Variants in POP1 observed in about 807,000 individuals in gnomAD.
POP1 encodes ribonucleases P/MRP protein subunit POP1.
A neutral mutation model predicts 102.2 loss-of-function variants in POP1; 75 were observed. The ratio of observed to expected loss-of-function variants is 0.73; its 90% CI spans 0.61 to 0.89. The LOEUF is 0.89. Among genes scored for constraint, POP1 ranks in the 40% least tolerant of loss-of-function variants. The pLI is 0.00. For missense variants in POP1, 1,116 were observed against 1,267.4 expected (o/e 0.88, Z 1.81); for synonymous variants, 436 against 464.1 (o/e 0.94, Z 0.78).
At chr8:98,126,356 C>T (rs531127876) in intron 2 of POP1, among the ~76,000 whole-genome samples, 8 of 152,056 alleles carry the variant, frequency 5.3e-5, no homozygotes, top group South Asian at 4.1e-4. Flanking sequence ...TTTTGAGCGC[C>T]GACATGACAT....
intron 2 of POP1, among the ~76,000 whole-genome samples, chr8:98,126,135 C>T (rs1383715882): frequency 6.6e-6 from 1 of 152,002 alleles, no homozygotes; most frequent in African/African-American, 2.4e-5. Context: ...AGGTGTGAGC[C>T]ACCACATCCA....
intron 2 of POP1, among the ~76,000 whole-genome samples, chr8:98,125,143 A>G (rs372681478): frequency 4.6e-5 from 7 of 152,044 alleles, no homozygotes; most frequent in African/African-American, 1.7e-4. Context: ...AAACACTATA[A>G]AATTCTCTAC....
chr8:98,140,020 CAA>C, intron 9 of POP1, 56 bp from the exon 10 acceptor site: 1 of 1,363,622 alleles, frequency 7.3e-7, no homozygotes, highest in East Asian at 2.3e-5. Context: ...ACAACCATGA[CAA>C]AATTATGAAG....
intron 3 of POP1, among the ~76,000 whole-genome samples, 175 bp downstream of exon 3, chr8:98,127,937 T>C (rs1226245243): frequency 6.6e-6 from 1 of 152,166 alleles, no homozygotes; most frequent in Non-Finnish European, 1.5e-5. Flanking sequence ...TCCTTGGGCT[T>C]GATGGCTCTC....
At chr8:98,148,661 A>G (rs1398954106) in intron 12 of POP1, among the ~76,000 whole-genome samples, 154 bp from the exon 13 acceptor site, 6 of 152,248 alleles carry the variant, frequency 3.9e-5, no homozygotes. Flanking sequence ...GGAATACCTT[A>G]TACTTAAAAT....
At chr8:98,150,262 G>A (rs572136413) in intron 13 of POP1, among the ~76,000 whole-genome samples, 4 of 152,306 alleles carry the variant, frequency 2.6e-5, no homozygotes, top group African/African-American at 9.6e-5. Flanking sequence ...TTTGCAACTT[G>A]CTGTATTCAC....
intron 11 of POP1, among the ~76,000 whole-genome samples, chr8:98,146,209 G>T (rs893756412): frequency 6.6e-6 from 1 of 152,140 alleles, no homozygotes; most frequent in Non-Finnish European, 1.5e-5. Flanking sequence ...AGAATTACAG[G>T]TGTGCACCAC....
chr8:98,131,364 T>C (rs1816376206), intron 5 of POP1, among the ~76,000 whole-genome samples: 1 of 152,224 alleles, frequency 6.6e-6, no homozygotes, highest in African/African-American at 2.4e-5. Flanking sequence ...TTTGTCTTTT[T>C]GTGACTGGCT....
At position 98,136,687 on chromosome 8, in the gene POP1, A is replaced by G; in HGVS notation, c.1217A>G (p.Asp406Gly). The G allele has an allele frequency of 1.2e-6, 2 of 1,612,664 alleles. No homozygotes were observed. The highest frequency in any genetic ancestry group is 1.7e-5 in the Admixed American group (1 of 60,012). ...AAAATTATCGGTGATGGAACTAGAG[A>G]TCCATGTCTACCATACTCTTGGATC... Reference protein sequence around the residue: ...IKKIIGDGTRDPCLPYSWISP... With the variant: ...IKKIIGDGTRGPCLPYSWISP... The change falls in exon 8 of 16, where the codon GAT becomes GGT. Residue 406 changes from aspartate to glycine, a missense_variant. Coordinates refer to ENST00000401707, the MANE Select transcript of POP1 (RefSeq NM_001145860.2).
chr8:98,153,144 A>AT (rs1809559695), intron 14 of POP1, among the ~76,000 whole-genome samples: 1 of 152,096 alleles, frequency 6.6e-6, no homozygotes, highest in Non-Finnish European at 1.5e-5. Context: ...TAATTTTTAA[A>AT]TTTTTTGTAG....
intron 7 of POP1, among the ~76,000 whole-genome samples, chr8:98,135,622 A>T (rs1188865908): frequency 6.6e-6 from 1 of 152,168 alleles, no homozygotes. Context: ...TTCAGTTTCA[A>T]AATTTTTTTT....
intron 14 of POP1, chr8:98,155,834 T>C (rs1563786550): frequency 5.7e-6 from 3 of 523,934 alleles, no homozygotes; most frequent in South Asian, 2.0e-5. Context: ...CTTGGCCTCC[T>C]AAAGTGCTGG....
chr8:98,117,868 A>T (rs572439064), intron 1 of POP1: 1 of 152,312 alleles, frequency 6.6e-6, no homozygotes, highest in African/African-American at 2.4e-5. Flanking sequence ...GATCCCTTGT[A>T]AGTATTCTGC....
chr8:98,141,612 AATGG>A (rs34546404), intron 11 of POP1, among the ~76,000 whole-genome samples: 20,188 of 151,734 alleles, frequency 0.13, 1,440 homozygotes, highest in Middle Eastern at 0.26. Context: ...GCTGGAGTGC[AATGG>A]ATGGCGTCAT....
intron 14 of POP1, among the ~76,000 whole-genome samples, chr8:98,152,832 T>C (rs765171032): frequency 6.6e-6 from 1 of 152,234 alleles, no homozygotes; most frequent in Non-Finnish European, 1.5e-5. Flanking sequence ...CCTGTATGCA[T>C]CTTTATATAT....
At position 98,158,833 on chromosome 8, in the gene POP1, T is replaced by G. The variant is rs1809729110; in HGVS notation, c.*562T>G. The G allele has an allele frequency of 6.5e-6, 1 of 153,578 alleles. No homozygotes were observed. Among genetic ancestry groups the G allele is most frequent in the South Asian group, 2.0e-4 (1 of 4,892 alleles). 9.5% of individuals were successfully genotyped at this position (153,578 alleles called of 1,614,324 possible). Reference sequence around the variant, plus strand: ...TGCCTGTTTTCAGGCAGGCACAGTTTATGGCGTCAGTGCTAGGCTGGAATT... The same window carrying G: ...TGCCTGTTTTCAGGCAGGCACAGTTGATGGCGTCAGTGCTAGGCTGGAATT... On this transcript the variant is annotated 3_prime_UTR_variant, in exon 16 of 16. Coordinates refer to ENST00000401707, the MANE Select transcript of POP1 (RefSeq NM_001145860.2).
At chr8:98,124,377 C>T (rs898681365) in intron 2 of POP1, among the ~76,000 whole-genome samples, 1 of 152,114 alleles carries the variant, frequency 6.6e-6, no homozygotes, top group African/African-American at 2.4e-5. Flanking sequence ...GAGTGGCCAA[C>T]ATGGCGAAAC....
At chr8:98,127,882 T>C in intron 3 of POP1, 120 bp downstream of exon 3, 1 of 1,071,192 alleles carries the variant, frequency 9.3e-7, no homozygotes, top group Non-Finnish European at 1.4e-6. Context: ...CTCCTCCTCC[T>C]ACTTTAGACC....
chr8:98,158,014 C>A lies in POP1; in HGVS notation c.2818C>A (p.Gln940Lys), dbSNP rs772955090. ...GPAGEEPVAG[Q>K]EALTLGLWSG... The stretch of plus-strand genomic sequence containing the variant: ...GGCGGGGGAAGAGCCCGTGGCTGGG[C>A]AGGAAGCTCTGACTCTAGGGCTGTG... Residue 940 changes from glutamine to lysine, a missense_variant, in exon 16 of 16, where the codon CAG becomes AAG. Coordinates refer to ENST00000401707, the MANE Select transcript of POP1 (RefSeq NM_001145860.2). 6.2e-7 allele frequency: 1 copy of A among 1,612,022 alleles called. No homozygotes were observed. The highest frequency in any genetic ancestry group is 8.5e-7 in the Non-Finnish European group (1 of 1,180,024).
Sources: allele counts gnomAD v4.1 joint callset (sites outside exome capture counted in the v4.1 genomes callset), GRCh38; gene constraint gnomAD v4.1.1; transcripts MANE v1.5; gene names NCBI Gene and HGNC (gene_info 2026-07-23, HGNC 2026-07-21).